The following CHD5 variants were observed in gnomAD, a reference collection of about 807,000 sequenced individuals.
CHD5 encodes the protein chromodomain helicase DNA binding protein 5, also known as ATP-dependent chromatin remodeler CHD5.
A neutral mutation model predicts 230.3 loss-of-function variants in CHD5; 69 were observed. The observed-to-expected ratio is 0.30, with a 90% CI of 0.25 to 0.37. The LOEUF (loss-of-function observed/expected upper bound fraction) is 0.37, where lower values mean the gene tolerates loss of function less well. CHD5 is among the 10% of genes least tolerant of loss of function. CHD5 has a pLI of 1.00. For missense variants in CHD5, 1,827 were observed against 2,622.8 expected, an observed-to-expected ratio of 0.70 and a Z score of 6.63; for synonymous variants, 1,064 against 1,065.9, an observed-to-expected ratio of 1.00 and a Z score of 0.03.
At chr1:6,168,327 G>T in intron 1 of CHD5, 50 bp from the exon 2 acceptor site, 1 of 1,542,032 alleles carries the variant, frequency 6.5e-7, no homozygotes, top group South Asian at 1.2e-5. Context: ...TCCTCCAGGA[G>T]AGCCCTGGAG....
intron 33 of CHD5, among the ~76,000 whole-genome samples, chr1:6,114,498 AT>A (rs1666344446): frequency 7.3e-6 from 1 of 137,246 alleles, no homozygotes; most frequent in Non-Finnish European, 1.6e-5. Context: ...TTATATATAT[AT>A]ACACATAAAC....
At chr1:6,141,435 G>A (rs903682061) in intron 15 of CHD5, among the ~76,000 whole-genome samples, 5 of 151,918 alleles carry the variant, frequency 3.3e-5, no homozygotes, top group Non-Finnish European at 5.9e-5. Flanking sequence ...GGCCAACATG[G>A]TGAAACCTGT....
At chr1:6,179,427 G>C (rs2100893641) in intron 1 of CHD5, among the ~76,000 whole-genome samples, 1 of 152,262 alleles carries the variant, frequency 6.6e-6, no homozygotes, top group South Asian at 2.1e-4. Flanking sequence ...CCCCATCCTG[G>C]GCGCTCAACG....
At chr1:6,169,073 C>T (rs1364564675) in intron 1 of CHD5, among the ~76,000 whole-genome samples, 1 of 151,930 alleles carries the variant, frequency 6.6e-6, no homozygotes, top group Non-Finnish European at 1.5e-5. Context: ...ACACTCAAGC[C>T]CCAAACCTGA....
Position 6,121,754 on chromosome 1 carries a change from T to A in CHD5, c.4700-181A>T, listed in dbSNP as rs1202789289. On this transcript the variant is annotated intron_variant, in intron 31 of 41. Transcript: ENST00000262450. This position sits in a 1 kb window ranked among gnomAD's most constrained non-coding sequence, Gnocchi z 4.5. ...AAGTCAGAGAGGCCAGGCCAGGCCTTTGACTCAGGAGTGCTTGGAGGACCT... is the reference window on the plus strand; with the variant it reads ...AAGTCAGAGAGGCCAGGCCAGGCCTATGACTCAGGAGTGCTTGGAGGACCT... 6.6e-6 allele frequency among the ~76,000 whole-genome samples: 1 copy of A among 152,116 alleles called. No individual in the cohort carries two copies. Among genetic ancestry groups the A allele is most frequent in the Non-Finnish European group, 1.5e-5 (1 of 68,006 alleles).
chr1:6,110,925 C>G (rs1390463112), intron 36 of CHD5, among the ~76,000 whole-genome samples: 1 of 152,156 alleles, frequency 6.6e-6, no homozygotes, highest in Non-Finnish European at 1.5e-5. Flanking sequence ...GACTGGGATG[C>G]TTGTAAGAAG....
intron 33 of CHD5, among the ~76,000 whole-genome samples, chr1:6,119,864 A>ATATAT (rs1373544506): frequency 1.5e-5 from 2 of 137,414 alleles, no homozygotes; most frequent in South Asian, 4.4e-4. Flanking sequence ...ATATATATAT[A>ATATAT]TTTTTTTTTT....
chr1:6,154,559 G>T lies in CHD5; in HGVS notation c.745+101C>A. 1 of 1,096,674 alleles carries T rather than the reference G, an allele frequency of 9.1e-7. No individual in the cohort carries two copies. The highest frequency in any genetic ancestry group is 1.3e-6 in the Non-Finnish European group (1 of 782,376). The allele number at this position is 1,096,674 out of a possible 1,614,324, so 67.9% of individuals were successfully genotyped here. The stretch of plus-strand genomic sequence containing the variant: ...AGAGCCCTCCATTAGGAGCACCCCA[G>T]CTGCCCCTCCCTGCCCGCGTCTGCC... On this transcript the variant is annotated intron_variant, in intron 5 of 41. Coordinates refer to ENST00000262450, the MANE Select transcript of CHD5 (RefSeq NM_015557.3). This position sits in a 1 kb window ranked among gnomAD's most constrained non-coding sequence, Gnocchi z 7.0.
chr1:6,152,617 T>C, intron 5 of CHD5, 81 bp from the exon 6 acceptor site: 1 of 1,598,496 alleles, frequency 6.3e-7, no homozygotes, highest in Non-Finnish European at 8.5e-7. Flanking sequence ...GAGCTCTCGG[T>C]TACCCAATAA....
At chr1:6,139,771 C>T (rs1666800181) in intron 15 of CHD5, among the ~76,000 whole-genome samples, 2 of 152,240 alleles carry the variant, frequency 1.3e-5, no homozygotes, top group African/African-American at 4.8e-5. Flanking sequence ...GTGTATTTTA[C>T]CACAACTCTT....
chr1:6,101,838 CACAGAGT>C lies in CHD5; in HGVS notation c.*3629_*3635del, dbSNP rs1490481086. On this transcript the variant is annotated 3_prime_UTR_variant, in exon 42 of 42. Transcript: ENST00000262450. ...AAAACACAGAAAACCAAAACATACA[CACAGAGT>C]ACAAAGTAAAGGTGATTGTGTTGGC... 1 of 213,912 alleles carries C rather than the reference CACAGAGT, an allele frequency of 4.7e-6. No homozygotes were observed. The highest frequency in any genetic ancestry group is 6.4e-5 in the Admixed American group (1 of 15,622). 13.3% of individuals were successfully genotyped at this position (213,912 alleles called of 1,614,324 possible).
intron 2 of CHD5, among the ~76,000 whole-genome samples, chr1:6,161,943 C>T (rs1002409043): frequency 6.6e-6 from 1 of 152,200 alleles, no homozygotes; most frequent in Non-Finnish European, 1.5e-5. Context: ...TCCTACGTGG[C>T]CTGCCAGTGA....
At chr1:6,145,551 A>T (rs1264618913) in intron 11 of CHD5, among the ~76,000 whole-genome samples, 1 of 152,190 alleles carries the variant, frequency 6.6e-6, no homozygotes, top group African/African-American at 2.4e-5. Flanking sequence ...ACCAAAGCCC[A>T]CGGGCCTCCT....
intron 11 of CHD5, among the ~76,000 whole-genome samples, chr1:6,145,526 A>G (rs1323182035): frequency 6.6e-6 from 1 of 152,012 alleles, no homozygotes; most frequent in African/African-American, 2.4e-5. Flanking sequence ...CATTCCCACC[A>G]CCCACCAAAT....
At position 6,106,801 on chromosome 1, in the gene CHD5, T is replaced by C. The variant is rs768936827; in HGVS notation, c.5579-22A>G. 3.2e-5 allele frequency: 50 copies of C among 1,544,564 alleles called. No homozygotes were observed. The South Asian group carries it at 5.2e-4, about 16-fold the overall frequency. ...AGGACTGTGGTGGGAGGCGGAGGGA[T>C]GGTAGGATGCAGGGATGGAGGGGTG... is the stretch of plus-strand genomic sequence containing the variant. On this transcript the variant is annotated intron_variant, in intron 38 of 41. Transcript: ENST00000262450.
At chr1:6,171,727 A>T (rs1667341854) in intron 1 of CHD5, among the ~76,000 whole-genome samples, 1 of 152,222 alleles carries the variant, frequency 6.6e-6, no homozygotes, top group South Asian at 2.1e-4. Flanking sequence ...GGGACAGAGC[A>T]GAGGCCCAGA....
chr1:6,144,255 G>T (rs1015724625), intron 11 of CHD5, 100 bp from the exon 12 acceptor site: 3 of 1,521,242 alleles, frequency 2.0e-6, no homozygotes, highest in Middle Eastern at 1.7e-4. Flanking sequence ...CACACCCAGG[G>T]TCCCCTCGGA....
At chr1:6,169,011 T>G (rs1571172846) in intron 1 of CHD5, among the ~76,000 whole-genome samples, 1 of 129,440 alleles carries the variant, frequency 7.7e-6, no homozygotes, top group African/African-American at 3.0e-5. Flanking sequence ...AGAGTGAGAC[T>G]CCATCAAAAA....
chr1:6,155,250 A>G lies in CHD5; in HGVS notation c.506+349T>C, dbSNP rs936984676. 2.0e-5 allele frequency among the ~76,000 whole-genome samples: 3 copies of G among 152,116 alleles called. No homozygotes were observed. The highest frequency in any genetic ancestry group is 7.2e-5 in the African/African-American group (3 of 41,416). On this transcript the variant is annotated intron_variant, in intron 4 of 41. Transcript: ENST00000262450. This position sits in a 1 kb window ranked among gnomAD's most constrained non-coding sequence, Gnocchi z 4.0. ...TCTCATTGGGTTTTCAGGCCCTGCA[A>G]GACTTGTGGGGCCACAGGTGGGCTA...
Sources: gnomAD v4.1 joint callset for allele counts (sites outside exome capture counted in the v4.1 genomes callset) on GRCh38, gnomAD v4.1.1 for gene constraint, Gnocchi (gnomAD v3.1) non-coding constraint, MANE v1.5 for transcripts, NCBI Gene and HGNC (gene_info 2026-07-23, HGNC 2026-07-21) for gene names.